Variants in ARHGEF18 observed in about 807,000 individuals in gnomAD.
The protein encoded by ARHGEF18 is Rho/Rac guanine nucleotide exchange factor 18.
Under a neutral mutation model 155.7 loss-of-function variants are expected in ARHGEF18, and 93 were observed. The observed-to-expected ratio is 0.60, with a 90% CI of 0.50 to 0.71. ARHGEF18 has a LOEUF of 0.71. Among genes scored for constraint, ARHGEF18 ranks in the 30% least tolerant of loss-of-function variants. ARHGEF18 has a pLI of 0.00. For synonymous variants in ARHGEF18, 742 were observed against 753.1 expected (o/e 0.99, Z 0.24); for missense variants, 1,593 against 1,816.1 (o/e 0.88, Z 2.23).
intron 10 of ARHGEF18, among the ~76,000 whole-genome samples, chr19:7,410,763 T>C (rs1287295063): frequency 2.7e-5 from 4 of 146,490 alleles, no homozygotes; most frequent in Non-Finnish European, 5.9e-5. Flanking sequence ...TGATCTGAGA[T>C]TGTGCTATTG....
chr19:7,434,988 G>A (rs539051954), intron 10 of ARHGEF18, among the ~76,000 whole-genome samples: 8 of 152,246 alleles, frequency 5.3e-5, no homozygotes, highest in East Asian at 1.9e-4. Flanking sequence ...GATCACCTGC[G>A]GTCAAGAGTT....
chr19:7,360,341 T>C (rs974297805), intron 1 of ARHGEF18, among the ~76,000 whole-genome samples: 1 of 152,026 alleles, frequency 6.6e-6, no homozygotes, highest in Admixed American at 6.6e-5. Flanking sequence ...GCTGAAGAGA[T>C]TCCCATGTGT....
At position 7,458,568 on chromosome 19, in the gene ARHGEF18, C is replaced by G. The variant is rs775761605; in HGVS notation, c.2238C>G (p.Asn746Lys). 6.2e-7 allele frequency: 1 copy of G among 1,614,078 alleles called. No homozygotes were observed. The change falls in exon 19 of 29, where the codon AAC becomes AAG. Residue 746 changes from asparagine to lysine, a missense_variant. Physicochemically the swap from Asn to Lys is moderately conservative, Grantham distance 94 (BLOSUM62 0). Transcript: ENST00000668164. ...LQKLIVREVA[N>K]EEKAMFLISA... ...AGCTCATCGTGAGGGAAGTGGCCAACGAGGAGAAAGCGATGTTTCTGATCA... is the reference window on the plus strand; with the variant it reads ...AGCTCATCGTGAGGGAAGTGGCCAAGGAGGAGAAAGCGATGTTTCTGATCA...
rs1159186670 is a variant in ARHGEF18, at chr19:7,457,353, C to CTTTTT, written c.2181+973_2181+977dup. ...ATCTCATTTTGCCATAATCACCTCT[C>CTTTTT]TTTTTTTTTTTTTTTTTTTTTTTTT... On this transcript the variant is annotated intron_variant, in intron 18 of 28. Transcript: ENST00000668164. Among the ~76,000 whole-genome samples, 7 of 60,214 alleles carry CTTTTT rather than the reference C, an allele frequency of 1.2e-4. 1 individual carries two copies. The highest frequency in any genetic ancestry group is 5.7e-4 in the African/African-American group (7 of 12,320). The allele number at this position is 60,214 out of a possible 152,430, so 39.5% of individuals were successfully genotyped here. A position where few individuals can be genotyped will look rare whatever the true frequency, so the allele number is the denominator to read the frequency against.
Position 7,467,489 on chromosome 19 carries a change from G to A in ARHGEF18, c.3285G>A (p.Ala1095=), listed in dbSNP as rs1014669644. The A allele has an allele frequency of 6.9e-6, 10 of 1,444,440 alleles. No homozygotes were observed. Among genetic ancestry groups the A allele is most frequent in the Non-Finnish European group, 4.5e-6 (5 of 1,110,822 alleles). 89.5% of individuals were successfully genotyped at this position (1,444,440 alleles called of 1,614,324 possible). A position where few individuals can be genotyped will look rare whatever the true frequency, so the allele number is the denominator to read the frequency against. The change falls in exon 26 of 29, where the codon GCG becomes GCA. Residue 1095 remains alanine (A), a synonymous_variant. Coordinates refer to ENST00000668164, the MANE Select transcript of ARHGEF18 (RefSeq NM_001367823.1). ...GARLQEREGE[A]RQLRERLEQE... ...GGCTGCAGGAGCGCGAGGGCGAGGC[G>A]CGGCAGCTACGCGAGCGGCTGGAGC... is the stretch of plus-strand genomic sequence containing the variant.
chr19:7,358,866 G>C (rs1969432734), intron 1 of ARHGEF18, among the ~76,000 whole-genome samples: 1 of 152,198 alleles, frequency 6.6e-6, no homozygotes, highest in Non-Finnish European at 1.5e-5. Flanking sequence ...CATATAGAAA[G>C]TGATTGATAC....
chr19:7,362,831 T>A lies in ARHGEF18; in HGVS notation c.-60T>A. ...GCCTTTTGACTCTGGAGCTGTGGCTTCAGCCACCAAGAGCAGCAGTGGATC... is the reference window on the plus strand; with the variant it reads ...GCCTTTTGACTCTGGAGCTGTGGCTACAGCCACCAAGAGCAGCAGTGGATC... On this transcript the variant is annotated 5_prime_UTR_variant, in exon 2 of 29. Coordinates refer to ENST00000668164, the MANE Select transcript of ARHGEF18 (RefSeq NM_001367823.1). 8.1e-7 allele frequency: 1 copy of A among 1,234,320 alleles called. No homozygotes were observed. The highest frequency in any genetic ancestry group is 1.0e-6 in the Non-Finnish European group (1 of 988,144). The allele number at this position is 1,234,320 out of a possible 1,614,324, so 76.5% of individuals were successfully genotyped here.
intron 2 of ARHGEF18, among the ~76,000 whole-genome samples, chr19:7,368,541 C>G (rs947778991): frequency 2.0e-5 from 3 of 152,182 alleles, no homozygotes; most frequent in African/African-American, 7.2e-5. Flanking sequence ...GGAGCTGGAA[C>G]AGCCTGTACT....
intron 7 of ARHGEF18, among the ~76,000 whole-genome samples, chr19:7,379,379 C>G (rs923490704): frequency 2.6e-5 from 4 of 151,692 alleles, no homozygotes; most frequent in African/African-American, 9.7e-5. Context: ...GCCAACATGG[C>G]GAAACCTCGT....
chr19:7,433,165 T>C (rs1312164039), intron 10 of ARHGEF18, among the ~76,000 whole-genome samples: 2 of 144,376 alleles, frequency 1.4e-5, no homozygotes, highest in African/African-American at 5.1e-5. Flanking sequence ...TGTCTCTCTT[T>C]AAAAAAAAAA....
chr19:7,448,733 G>A (rs759583839), intron 15 of ARHGEF18, among the ~76,000 whole-genome samples: 5 of 151,770 alleles, frequency 3.3e-5, no homozygotes, highest in African/African-American at 4.8e-5. Flanking sequence ...GTTCGCCCCC[G>A]GAGCGTGTAG....
intron 2 of ARHGEF18, among the ~76,000 whole-genome samples, chr19:7,365,728 A>G (rs1031634377): frequency 6.6e-6 from 1 of 152,138 alleles, no homozygotes; most frequent in African/African-American, 2.4e-5. Context: ...GCTGGAGACC[A>G]GGGCATTTTC....
chr19:7,473,644 A>T (rs536258709), downstream of ARHGEF18, among the ~76,000 whole-genome samples: 502 of 152,000 alleles, frequency 3.3e-3, no homozygotes, highest in South Asian at 7.3e-3. Flanking sequence ...ACCCCGTCTC[A>T]ACTAAAAATA....
intron 6 of ARHGEF18, 112 bp from the exon 7 acceptor site, chr19:7,379,010 G>C: frequency 1.1e-6 from 1 of 918,152 alleles, no homozygotes; most frequent in Non-Finnish European, 1.4e-6. Flanking sequence ...GCTTTGAGTA[G>C]GGTCTGCATC....
chr19:7,374,835 G>A (rs59039881), intron 3 of ARHGEF18, among the ~76,000 whole-genome samples: 5,157 of 152,146 alleles, frequency 0.034, 276 homozygotes, highest in African/African-American at 0.12. Context: ...GCATGCATAC[G>A]CATGAAGCCA....
At chr19:7,353,590 C>CA (rs61068862) in intron 1 of ARHGEF18, among the ~76,000 whole-genome samples, 6,209 of 104,012 alleles carry the variant, frequency 0.06, 252 homozygotes, top group East Asian at 0.25. Context: ...AACTCCATCT[C>CA]AAAAAAAAAA....
intron 13 of ARHGEF18, among the ~76,000 whole-genome samples, chr19:7,443,749 G>T (rs989352683): frequency 2.6e-5 from 4 of 152,086 alleles, no homozygotes; most frequent in African/African-American, 4.8e-5. Flanking sequence ...TCCTAAAACA[G>T]ACTTGATAGC....
At chr19:7,372,136 A>C (rs1970234686) in intron 2 of ARHGEF18, among the ~76,000 whole-genome samples, 1 of 152,118 alleles carries the variant, frequency 6.6e-6, no homozygotes, top group African/African-American at 2.4e-5. Context: ...CCACCTACCC[A>C]CCAAACCCTG....
chr19:7,469,144 C>A lies in ARHGEF18; in HGVS notation c.3787+13C>A. On this transcript the variant is annotated intron_variant, in intron 27 of 28. Coordinates refer to ENST00000668164, the MANE Select transcript of ARHGEF18 (RefSeq NM_001367823.1). The stretch of plus-strand genomic sequence containing the variant: ...TGGGAGAGCTCAGGTGAGCCGGCCC[C>A]ACCCCTTCGCCTGGGCCTGGAAGGT... The A allele has an allele frequency of 1.3e-6, 2 of 1,573,190 alleles. No homozygotes were observed. Among genetic ancestry groups the A allele is most frequent in the Non-Finnish European group, 1.7e-6 (2 of 1,159,412 alleles).
Sources: gnomAD v4.1 joint callset for allele counts (sites outside exome capture counted in the v4.1 genomes callset) on GRCh38, gnomAD v4.1.1 for gene constraint, MANE v1.5 for transcripts, NCBI Gene and HGNC (gene_info 2026-07-23, HGNC 2026-07-21) for gene names.